The following COPG1 variants were observed in gnomAD, a reference collection of about 807,000 sequenced individuals.
The protein encoded by COPG1 is coatomer subunit gamma-1.
A neutral mutation model predicts 102.8 loss-of-function variants in COPG1; 29 were observed. The observed-to-expected ratio is 0.28, with a 90% CI of 0.21 to 0.38. The LOEUF (loss-of-function observed/expected upper bound fraction) is 0.38, where lower values mean the gene tolerates loss of function less well. Among genes scored for constraint, COPG1 ranks in the 10% least tolerant of loss-of-function variants. The probability of loss-of-function intolerance (pLI) is 1.00; values close to 1 mark genes in which losing one functional copy is unlikely to be tolerated. For missense variants in COPG1, 875 were observed against 1,132.7 expected, an observed-to-expected ratio of 0.77 and a Z score of 3.27; for synonymous variants, 406 against 421.6, an observed-to-expected ratio of 0.96 and a Z score of 0.45.
At chr3:129,261,006 A>G (rs1939915706) in intron 12 of COPG1, among the ~76,000 whole-genome samples, 199 bp downstream of exon 12, 1 of 152,170 alleles carries the variant, frequency 6.6e-6, no homozygotes, top group African/African-American at 2.4e-5. Context: ...CTCCATCCAT[A>G]TCGTCCCCTT....
chr3:129,271,516 C>T lies in COPG1; in HGVS notation c.1844-251C>T, dbSNP rs1197897640. On this transcript the variant is annotated intron_variant, in intron 18 of 23. Coordinates refer to ENST00000314797, the MANE Select transcript of COPG1 (RefSeq NM_016128.4). The surrounding 1 kb of genome is among the most constrained non-coding windows in gnomAD (Gnocchi z 4.7). ...TTTGTGGTCTCATATCAGTTTTTTGCTTCTGAGGTCTTTCATGGTACAGAG... is the reference window on the plus strand; with the variant it reads ...TTTGTGGTCTCATATCAGTTTTTTGTTTCTGAGGTCTTTCATGGTACAGAG... Among the ~76,000 whole-genome samples, 1 of 152,046 alleles carries T rather than the reference C, an allele frequency of 6.6e-6. No homozygotes were observed. The highest frequency in any genetic ancestry group is 1.5e-5 in the Non-Finnish European group (1 of 68,024).
Position 129,277,535 on chromosome 3 carries a change from T to TTCTG in COPG1, c.*112_*113insCTGT. The TTCTG allele has an allele frequency of 8.5e-7, 1 of 1,182,924 alleles. No individual in the cohort carries two copies. Among genetic ancestry groups the TTCTG allele is most frequent in the East Asian group, 2.6e-5 (1 of 38,114 alleles). The allele number at this position is 1,182,924 out of a possible 1,614,324, so 73.3% of individuals were successfully genotyped here. A position where few individuals can be genotyped will look rare whatever the true frequency, so the allele number is the denominator to read the frequency against. The stretch of plus-strand genomic sequence containing the variant: ...CCCAAGCTTCTGTATTGAAAAACAA[T>TTCTG]TAGGAATCATTGCAGATTTTTTTTT... On this transcript the variant is annotated 3_prime_UTR_variant, in exon 24 of 24. Coordinates refer to ENST00000314797, the MANE Select transcript of COPG1 (RefSeq NM_016128.4).
chr3:129,272,534 C>A (rs1053951459), intron 20 of COPG1, 119 bp downstream of exon 20: 6 of 867,062 alleles, frequency 6.9e-6, no homozygotes, highest in African/African-American at 5.2e-5. Context: ...TGATTTCAGT[C>A]CCAAGAAGAA....
chr3:129,268,697 A>G, intron 17 of COPG1, 77 bp downstream of exon 17: 2 of 1,509,084 alleles, frequency 1.3e-6, no homozygotes, highest in Admixed American at 3.6e-5. Flanking sequence ...CAAAGCCACT[A>G]ACCTAACTAG....
intron 17 of COPG1, 46 bp from the exon 18 acceptor site, chr3:129,268,886 C>T (rs199929930): frequency 3.3e-5 from 52 of 1,554,056 alleles, no homozygotes; most frequent in Non-Finnish European, 4.0e-5. Flanking sequence ...CACACTGCCC[C>T]GTGACTCCAG....
At chr3:129,252,845 G>A (rs541331541) in intron 4 of COPG1, 31 bp from the exon 5 acceptor site, 2 of 1,609,862 alleles carry the variant, frequency 1.2e-6, no homozygotes, top group East Asian at 4.5e-5. Context: ...GTGAGCCCGG[G>A]CTGATAGGGC....
At chr3:129,255,228 G>A in intron 7 of COPG1, 151 bp downstream of exon 7, 1 of 603,112 alleles carries the variant, frequency 1.7e-6, no homozygotes, top group South Asian at 2.0e-5. Context: ...ACCCAGGCTA[G>A]AGTGCAGCGC....
chr3:129,253,764 C>G (rs191142553), intron 5 of COPG1, among the ~76,000 whole-genome samples: 21 of 152,260 alleles, frequency 1.4e-4, no homozygotes, highest in African/African-American at 5.1e-4. Flanking sequence ...AATCCACAGA[C>G]TGCGATGGGT....
At chr3:129,269,144 G>A (rs1339755179) in intron 18 of COPG1, 144 bp downstream of exon 18, 7 of 697,382 alleles carry the variant, frequency 1.0e-5, no homozygotes, top group Admixed American at 2.4e-5. Flanking sequence ...TGACCCTCAG[G>A]TGGTGGTTGT....
chr3:129,251,293 C>T (rs1939691604), intron 2 of COPG1, among the ~76,000 whole-genome samples: 1 of 151,268 alleles, frequency 6.6e-6, no homozygotes, highest in African/African-American at 2.4e-5. Flanking sequence ...TGGTTTAAAA[C>T]TATCACCTAA....
chr3:129,260,960 G>A (rs1287438766), intron 12 of COPG1, among the ~76,000 whole-genome samples, 153 bp downstream of exon 12: 1 of 152,206 alleles, frequency 6.6e-6, no homozygotes, highest in Non-Finnish European at 1.5e-5. Flanking sequence ...CAGAGACTTG[G>A]CCTTCCGAGA....
chr3:129,275,085 C>G lies in COPG1; in HGVS notation c.2395+109C>G, dbSNP rs977276475. On this transcript the variant is annotated intron_variant, in intron 22 of 23. Transcript: ENST00000314797. The surrounding 1 kb of genome is among the most constrained non-coding windows in gnomAD (Gnocchi z 5.0). ...CAAGGATCCAGGGCCATGTCTGGAG[C>G]ACATATGTCAAATGCCACTTCATTA... is the stretch of plus-strand genomic sequence containing the variant. The G allele has an allele frequency of 1.5e-5, 23 of 1,496,234 alleles. No individual in the cohort carries two copies. The African/African-American group carries it at 3.0e-4, about 20-fold the overall frequency. 92.7% of individuals were successfully genotyped at this position (1,496,234 alleles called of 1,614,324 possible). A position where few individuals can be genotyped will look rare whatever the true frequency, so the allele number is the denominator to read the frequency against.
chr3:129,263,014 C>CAAAA (rs1299713396), intron 12 of COPG1, among the ~76,000 whole-genome samples: 1 of 54,296 alleles, frequency 1.8e-5, no homozygotes, highest in Admixed American at 2.0e-4. Flanking sequence ...GACTCCGTCT[C>CAAAA]AAAAAAAAAA....
chr3:129,277,205 C>T, intron 23 of COPG1, 89 bp from the exon 24 acceptor site: 1 of 1,376,990 alleles, frequency 7.3e-7, no homozygotes, highest in East Asian at 2.3e-5. Flanking sequence ...ACCAGAGCTG[C>T]CTTCATGGGT....
intron 10 of COPG1, 91 bp downstream of exon 10, chr3:129,257,951 C>A: frequency 6.6e-7 from 1 of 1,516,536 alleles, no homozygotes. Flanking sequence ...AAAGAAAATG[C>A]TCTTAACAAG....
chr3:129,250,895 G>T (rs1939679993), intron 2 of COPG1, 161 bp downstream of exon 2: 11 of 356,134 alleles, frequency 3.1e-5, no homozygotes, highest in Non-Finnish European at 5.5e-5. Flanking sequence ...TCTGGAGAGA[G>T]TTAGTTATGC....
chr3:129,257,694 A>G, intron 9 of COPG1, 33 bp from the exon 10 acceptor site: 3 of 1,613,128 alleles, frequency 1.9e-6, no homozygotes, highest in Non-Finnish European at 2.5e-6. Flanking sequence ...GGCCACCCCC[A>G]ACGTTTTCTT....
chr3:129,268,599 C>A lies in COPG1; in HGVS notation c.1753C>A (p.Pro585Thr), dbSNP rs1171467805. 1.2e-6 allele frequency: 2 copies of A among 1,614,188 alleles called. No homozygotes were observed. The highest frequency in any genetic ancestry group is 2.2e-5 in the East Asian group (1 of 44,888). The change falls in exon 17 of 24, where the codon CCC becomes ACC. Residue 585 changes from proline (P) to threonine (T), a missense_variant. By Grantham distance (38) the Pro-to-Thr change is conservative. Coordinates refer to ENST00000314797, the MANE Select transcript of COPG1 (RefSeq NM_016128.4). Reference sequence around the variant, plus strand: ...CAAGTCTGTGCCCCTGGCCACGGCGCCCATGGCAGAGCAGAGAACAGGTAA... The same window carrying A: ...CAAGTCTGTGCCCCTGGCCACGGCGACCATGGCAGAGCAGAGAACAGGTAA... Reference protein sequence around the residue: ...DLKSVPLATAPMAEQRTESTP... With the variant: ...DLKSVPLATATMAEQRTESTP...
chr3:129,266,065 G>A (rs982057746), intron 14 of COPG1, among the ~76,000 whole-genome samples: 3 of 151,754 alleles, frequency 2.0e-5, no homozygotes, highest in African/African-American at 2.4e-5. Flanking sequence ...TCCGCCTCCC[G>A]GGTTCAAGCG....
Sources: gnomAD v4.1 joint callset for allele counts (sites outside exome capture counted in the v4.1 genomes callset) on GRCh38, gnomAD v4.1.1 for gene constraint, Gnocchi (gnomAD v3.1) non-coding constraint, MANE v1.5 for transcripts, NCBI Gene and HGNC (gene_info 2026-07-23, HGNC 2026-07-21) for gene names.